The following PCDH15 variants were observed in gnomAD, a reference collection of about 807,000 sequenced individuals.
PCDH15 encodes protocadherin related 15.
PCDH15 carries 129 observed loss-of-function variants against 178.5 expected under a neutral mutation model. The observed-to-expected ratio is 0.72, with a 90% CI of 0.63 to 0.84. The LOEUF (loss-of-function observed/expected upper bound fraction) is 0.84. Among genes scored for constraint, PCDH15 ranks in the 40% least tolerant of loss-of-function variants. The probability of loss-of-function intolerance (pLI) is 0.00; values close to 1 mark genes in which losing one functional copy is unlikely to be tolerated. For missense variants in PCDH15, 2,230 were observed against 2,099.9 expected (o/e 1.06, Z -1.21); for synonymous variants, 800 against 732.0 (o/e 1.09, Z -1.50).
intron 2 of PCDH15, among the ~76,000 whole-genome samples, chr10:54,926,436 G>C (rs1837628776): frequency 6.6e-6 from 1 of 151,940 alleles, no homozygotes; most frequent in African/African-American, 2.4e-5. Flanking sequence ...TACTCTGCCT[G>C]GTTTTTGTAT....
intron 2 of PCDH15, among the ~76,000 whole-genome samples, chr10:55,483,855 T>C (rs1207010986): frequency 6.7e-6 from 1 of 148,552 alleles, no homozygotes; most frequent in Non-Finnish European, 1.5e-5. Flanking sequence ...CATGCATGCA[T>C]ATGATCACTG....
At chr10:55,442,851 G>A (rs1839228334) in intron 2 of PCDH15, among the ~76,000 whole-genome samples, 1 of 151,950 alleles carries the variant, frequency 6.6e-6, no homozygotes, top group Admixed American at 6.6e-5. Flanking sequence ...CCCACCAAAA[G>A]CAAGTTTAGT....
intron 27 of PCDH15, among the ~76,000 whole-genome samples, chr10:53,862,029 C>G (rs2079138069): frequency 1.3e-5 from 2 of 152,032 alleles, no homozygotes; most frequent in South Asian, 4.2e-4. Context: ...AGTTATACTA[C>G]AATCTATTTG....
chr10:54,424,539 G>T (rs1407594014), intron 3 of PCDH15, among the ~76,000 whole-genome samples: 1 of 150,110 alleles, frequency 6.7e-6, no homozygotes, highest in Non-Finnish European at 1.5e-5. Context: ...AAAACATGCT[G>T]CTATAAAGAC....
chr10:54,231,364 G>A (rs2054047999), intron 9 of PCDH15, among the ~76,000 whole-genome samples: 1 of 152,232 alleles, frequency 6.6e-6, no homozygotes, highest in South Asian at 2.1e-4. Context: ...CAATGGTTGA[G>A]GCTTGGAAGC....
intron 2 of PCDH15, among the ~76,000 whole-genome samples, chr10:54,613,512 CACACACACACACTCACACACAT>C (rs2093032017): frequency 6.6e-6 from 1 of 151,404 alleles, no homozygotes; most frequent in South Asian, 2.1e-4. Context: ...CATACACACA[CACACACACACACTCACACACAT>C]ACACATATGC....
intron 8 of PCDH15, among the ~76,000 whole-genome samples, chr10:54,270,486 A>G (rs1194085294): frequency 2.0e-5 from 3 of 152,170 alleles, no homozygotes; most frequent in African/African-American, 4.8e-5. Context: ...CATTGAAGGA[A>G]GGTATGGGTA....
intron 1 of PCDH15, among the ~76,000 whole-genome samples, chr10:55,264,941 C>T (rs987676501): frequency 8.5e-5 from 13 of 152,114 alleles, no homozygotes. Context: ...GTAAGATTGA[C>T]CCAGCCCTCC....
intron 18 of PCDH15, among the ~76,000 whole-genome samples, chr10:54,062,876 A>C (rs1036485681): frequency 1.3e-5 from 2 of 152,198 alleles, no homozygotes; most frequent in Admixed American, 6.5e-5. Context: ...TCTGGGCTTT[A>C]TCTCTCCAAG....
intron 1 of PCDH15, among the ~76,000 whole-genome samples, chr10:54,694,413 T>C (rs1243271911): frequency 6.6e-6 from 1 of 152,092 alleles, no homozygotes; most frequent in Non-Finnish European, 1.5e-5. Context: ...ATGGAATAAA[T>C]AGAACAATAC....
chr10:54,458,468 A>G (rs2076966108), intron 3 of PCDH15, among the ~76,000 whole-genome samples: 1 of 152,050 alleles, frequency 6.6e-6, no homozygotes. Context: ...ACTTAAAACT[A>G]CATAACCATT....
chr10:55,558,578 A>G (rs540481802), intron 2 of PCDH15, among the ~76,000 whole-genome samples: 1 of 152,284 alleles, frequency 6.6e-6, no homozygotes, highest in South Asian at 2.1e-4. Context: ...AAAATAATGT[A>G]TAATGCCTAT....
At chr10:54,533,961 T>TA (rs2132790724) in intron 2 of PCDH15, among the ~76,000 whole-genome samples, 1 of 152,300 alleles carries the variant, frequency 6.6e-6, no homozygotes, top group East Asian at 1.9e-4. Flanking sequence ...TTAATAGTTG[T>TA]ATAATATTGG....
intron 26 of PCDH15, among the ~76,000 whole-genome samples, chr10:53,890,064 A>G (rs2081444796): frequency 2.0e-5 from 3 of 152,214 alleles, no homozygotes; most frequent in Non-Finnish European, 4.4e-5. Flanking sequence ...CTGCACACTT[A>G]GAATCTGTGT....
intron 9 of PCDH15, among the ~76,000 whole-genome samples, chr10:54,228,294 A>G (rs986497012): frequency 2.0e-5 from 3 of 152,134 alleles, no homozygotes; most frequent in Non-Finnish European, 4.4e-5. Flanking sequence ...CACATCTTAC[A>G]TGGATGGCAG....
At chr10:54,373,559 T>C (rs1418493618) in intron 4 of PCDH15, among the ~76,000 whole-genome samples, 1 of 151,992 alleles carries the variant, frequency 6.6e-6, no homozygotes, top group East Asian at 1.9e-4. Flanking sequence ...ATATGTGACA[T>C]GTAGATACAT....
chr10:54,797,507 AACACACACACACACACACACACACAC>A (rs71014418), intron 1 of PCDH15, among the ~76,000 whole-genome samples: 2 of 145,184 alleles, frequency 1.4e-5, no homozygotes, highest in African/African-American at 5.1e-5. Context: ...TTATTGTTGA[AACACACACACACACACACACACACAC>A]ACACACACAC....
Position 55,190,493 on chromosome 10 carries a change from C to T in PCDH15, c.-155-23842G>A, listed in dbSNP as rs1839919692. Among the ~76,000 whole-genome samples, 3 of 151,682 alleles carry T rather than the reference C, an allele frequency of 2.0e-5. No individual in the cohort carries two copies. In the South Asian group the frequency reaches 6.2e-4, roughly 31 times the overall value. On this transcript the variant is annotated intron_variant, in intron 1 of 5. Transcript: ENST00000458638. The stretch of plus-strand genomic sequence containing the variant: ...TAATGTGCAAACATATTCAGGAGAA[C>T]ATTAGCTATAGGTCAAAATAAGTGT...
At chr10:54,256,956 T>C (rs1008025835) in intron 8 of PCDH15, among the ~76,000 whole-genome samples, 5 of 152,116 alleles carry the variant, frequency 3.3e-5, no homozygotes, top group African/African-American at 7.2e-5. Flanking sequence ...AATAACAATG[T>C]CTATATCCCT....
Sources: gnomAD v4.1 joint callset for allele counts (sites outside exome capture counted in the v4.1 genomes callset) on GRCh38, gnomAD v4.1.1 for gene constraint, MANE v1.5 for transcripts, NCBI Gene and HGNC (gene_info 2026-07-23, HGNC 2026-07-21) for gene names.